Variants in RAP1GDS1 observed in about 807,000 individuals in gnomAD.
The protein encoded by RAP1GDS1 is RAP1, GTP-GDP dissociation stimulator 1.
Under a neutral mutation model 71.1 loss-of-function variants are expected in RAP1GDS1, and 35 were observed. The observed-to-expected ratio is 0.49, with a 90% CI of 0.38 to 0.65. The LOEUF is 0.65. Ranked by LOEUF, RAP1GDS1 falls within the 30% of genes least tolerant of loss-of-function variation. The probability of loss-of-function intolerance (pLI) is 0.00; values close to 1 mark genes in which losing one functional copy is unlikely to be tolerated. For synonymous variants in RAP1GDS1, 229 were observed against 243.1 expected (o/e 0.94, Z 0.54); for missense variants, 663 against 706.1 (o/e 0.94, Z 0.69).
chr4:98,288,544 C>T (rs181633903), intron 1 of RAP1GDS1, among the ~76,000 whole-genome samples: 2 of 152,116 alleles, frequency 1.3e-5, no homozygotes, highest in Admixed American at 1.3e-4. Flanking sequence ...TGGGTATATA[C>T]CCAGTAATGG....
intron 5 of RAP1GDS1, among the ~76,000 whole-genome samples, chr4:98,387,853 C>T (rs936202942): frequency 6.6e-6 from 1 of 152,162 alleles, no homozygotes; most frequent in Non-Finnish European, 1.5e-5. Context: ...CTGATATTCA[C>T]TGAGGGAGGC....
intron 2 of RAP1GDS1, among the ~76,000 whole-genome samples, chr4:98,308,488 A>AG (rs951077061): frequency 1.3e-5 from 2 of 150,762 alleles, no homozygotes; most frequent in African/African-American, 2.4e-5. Flanking sequence ...AGGAAAATAA[A>AG]GAACAATTTC....
chr4:98,428,366 TAA>T (rs1749917680), intron 12 of RAP1GDS1, among the ~76,000 whole-genome samples: 1 of 152,066 alleles, frequency 6.6e-6, no homozygotes, highest in South Asian at 2.1e-4. Flanking sequence ...TTAATTAAAC[TAA>T]AGAGCTTTTG....
chr4:98,311,761 T>G (rs1730257607), intron 2 of RAP1GDS1, among the ~76,000 whole-genome samples: 1 of 152,192 alleles, frequency 6.6e-6, no homozygotes, highest in Non-Finnish European at 1.5e-5. Flanking sequence ...CTCAGCTTCC[T>G]GAATAGCTAG....
chr4:98,266,432 T>C (rs1722722224), intron 1 of RAP1GDS1, among the ~76,000 whole-genome samples: 1 of 152,172 alleles, frequency 6.6e-6, no homozygotes, highest in Non-Finnish European at 1.5e-5. Flanking sequence ...CTTCTAATTA[T>C]ATTTTTAATT....
chr4:98,430,273 G>C (rs1224530908), intron 12 of RAP1GDS1, among the ~76,000 whole-genome samples: 1 of 152,074 alleles, frequency 6.6e-6, no homozygotes, highest in Non-Finnish European at 1.5e-5. Flanking sequence ...TACAACTTTA[G>C]GATTACAATT....
At chr4:98,333,957 C>T (rs1578481263) in intron 2 of RAP1GDS1, among the ~76,000 whole-genome samples, 2 of 152,224 alleles carry the variant, frequency 1.3e-5, no homozygotes, top group East Asian at 3.9e-4. Context: ...AAACATCTAG[C>T]AGAGACAAAT....
rs150369595 is a variant in RAP1GDS1, at chr4:98,438,952, T to C, written c.1696+1884T>C. 1.9e-4 allele frequency among the ~76,000 whole-genome samples: 29 copies of C among 152,300 alleles called. No homozygotes were observed. The East Asian group carries it at 5.6e-3, about 29-fold the overall frequency. Reference sequence around the variant, plus strand: ...TCTTCTACATATATTTAGAATCACGTTAGACAGTGTTACAACTTTTCTTTC... The same window carrying C: ...TCTTCTACATATATTTAGAATCACGCTAGACAGTGTTACAACTTTTCTTTC... On this transcript the variant is annotated intron_variant, in intron 14 of 14. Transcript: ENST00000408927.
intron 2 of RAP1GDS1, among the ~76,000 whole-genome samples, chr4:98,327,393 G>C (rs761398492): frequency 3.2e-4 from 48 of 152,214 alleles, no homozygotes; most frequent in Non-Finnish European, 1.9e-4. Context: ...ACTGGTCTGA[G>C]GTTGGACAGA....
intron 12 of RAP1GDS1, 150 bp from the exon 13 acceptor site, chr4:98,433,786 T>C: frequency 5.9e-6 from 4 of 676,412 alleles, no homozygotes; most frequent in Non-Finnish European, 9.0e-6. Flanking sequence ...CTTTTTCCTT[T>C]TCTTCTGTGG....
chr4:98,420,129 T>C lies in RAP1GDS1; in HGVS notation c.1285T>C (p.Leu429=), dbSNP rs780074597. The part of the protein sequence containing the change: ...QFKLLGTLRM[L]IDAQAEAAEQ... ...CAAACTTCTGGGAACATTAAGAATG[T>C]TAATAGATGCACAAGGTAAAAGAAA... Residue 429 remains leucine, a synonymous_variant, in exon 11 of 15, where the codon TTA becomes CTA. Transcript: ENST00000408927. 1.3e-6 allele frequency: 2 copies of C among 1,565,354 alleles called. No individual in the cohort carries two copies. The highest frequency in any genetic ancestry group is 2.5e-5 in the South Asian group (2 of 80,192).
At chr4:98,295,978 A>G (rs1186609975) in intron 2 of RAP1GDS1, among the ~76,000 whole-genome samples, 1 of 152,000 alleles carries the variant, frequency 6.6e-6, no homozygotes, top group Non-Finnish European at 1.5e-5. Context: ...CTGTCCTCCT[A>G]AATGTAAAAT....
chr4:98,355,061 G>T (rs2110428398), intron 4 of RAP1GDS1, among the ~76,000 whole-genome samples: 1 of 152,264 alleles, frequency 6.6e-6, no homozygotes, highest in Admixed American at 6.5e-5. Flanking sequence ...GTTTATACTT[G>T]AATTACAAGA....
intron 2 of RAP1GDS1, among the ~76,000 whole-genome samples, chr4:98,314,128 T>G (rs1730636546): frequency 2.0e-5 from 3 of 152,206 alleles, no homozygotes. Context: ...AGTTATGGAT[T>G]GATCATATTT....
chr4:98,399,729 CAT>C (rs1745094814), intron 6 of RAP1GDS1, among the ~76,000 whole-genome samples: 1 of 152,124 alleles, frequency 6.6e-6, no homozygotes, highest in African/African-American at 2.4e-5. Flanking sequence ...ACCACAATGA[CAT>C]ATTATCTCAC....
chr4:98,343,973 T>A (rs1416610428), intron 3 of RAP1GDS1, among the ~76,000 whole-genome samples: 1 of 152,212 alleles, frequency 6.6e-6, no homozygotes, highest in Non-Finnish European at 1.5e-5. Context: ...TTTTACATTA[T>A]TTTTTAGCCT....
chr4:98,346,422 A>C (rs975551517), intron 3 of RAP1GDS1, among the ~76,000 whole-genome samples: 2 of 152,176 alleles, frequency 1.3e-5, no homozygotes, highest in Non-Finnish European at 2.9e-5. Context: ...TATAAAATGC[A>C]TGTGTGCCCT....
At chr4:98,433,479 G>C (rs1358246878) in intron 12 of RAP1GDS1, among the ~76,000 whole-genome samples, 1 of 152,008 alleles carries the variant, frequency 6.6e-6, no homozygotes, top group Non-Finnish European at 1.5e-5. Flanking sequence ...ATTTTTTGTA[G>C]AGATGGGGTC....
At chr4:98,330,102 G>A (rs557535906) in intron 2 of RAP1GDS1, among the ~76,000 whole-genome samples, 9 of 152,182 alleles carry the variant, frequency 5.9e-5, no homozygotes, top group African/African-American at 2.2e-4. Context: ...ACCCTGAGTT[G>A]ACACAGCACA....
Sources: gnomAD v4.1 joint callset for allele counts (sites outside exome capture counted in the v4.1 genomes callset) on GRCh38, gnomAD v4.1.1 for gene constraint, MANE v1.5 for transcripts, NCBI Gene and HGNC (gene_info 2026-07-23, HGNC 2026-07-21) for gene names.